PDE1A: variants seen among roughly 807,000 people sequenced by gnomAD.
PDE1A encodes the protein dual specificity calcium/calmodulin-dependent 3',5'-cyclic nucleotide phosphodiesterase 1A.
In PDE1A, 35 loss-of-function variants were observed where a neutral mutation model predicts 61.7. The observed-to-expected ratio is 0.57, with a 90% CI of 0.43 to 0.75. The LOEUF is 0.75. PDE1A is among the 30% of genes least tolerant of loss of function. PDE1A has a pLI of 0.00. For missense variants in PDE1A, 597 were observed against 630.6 expected, an observed-to-expected ratio of 0.95 and a Z score of 0.57; for synonymous variants, 232 against 213.2, an observed-to-expected ratio of 1.09 and a Z score of -0.77.
chr2:182,687,803 A>C, the PDE1A span, among the ~76,000 whole-genome samples: 1 of 152,206 alleles, frequency 6.6e-6, no homozygotes, highest in African/African-American at 2.4e-5. Flanking sequence ...CGAATGGCTA[A>C]CTAGAACAAC....
intron 2 of PDE1A, among the ~76,000 whole-genome samples, chr2:182,486,786 T>C (rs1688051264): frequency 6.6e-6 from 1 of 152,094 alleles, no homozygotes; most frequent in South Asian, 2.1e-4. Context: ...TTAACTCAAA[T>C]AGGATTATAG....
At chr2:182,160,556 C>T (rs574772418) in intron 13 of PDE1A, among the ~76,000 whole-genome samples, 1 of 152,258 alleles carries the variant, frequency 6.6e-6, no homozygotes. Flanking sequence ...GACCCTTAAA[C>T]TCTGAGATGC....
At chr2:182,439,023 T>C (rs1267056413) in intron 2 of PDE1A, among the ~76,000 whole-genome samples, 1 of 151,942 alleles carries the variant, frequency 6.6e-6, no homozygotes, top group Non-Finnish European at 1.5e-5. Context: ...CAAGAGATAT[T>C]AACTGGGATA....
chr2:182,478,156 T>A (rs1386571666), intron 2 of PDE1A, among the ~76,000 whole-genome samples: 1 of 151,922 alleles, frequency 6.6e-6, no homozygotes, highest in Non-Finnish European at 1.5e-5. Flanking sequence ...TGAGTGTTTC[T>A]TTTAAGTAGA....
chr2:182,160,135 G>A (rs753711992), intron 13 of PDE1A, among the ~76,000 whole-genome samples: 8 of 152,168 alleles, frequency 5.3e-5, no homozygotes, highest in Middle Eastern at 3.2e-3. Flanking sequence ...TAACTAGTAA[G>A]TAAGGAACCA....
At chr2:182,421,728 G>T (rs976461243) in intron 1 of PDE1A, among the ~76,000 whole-genome samples, 3 of 152,144 alleles carry the variant, frequency 2.0e-5, no homozygotes, top group Non-Finnish European at 4.4e-5. Context: ...ACAAGGCACT[G>T]TAATGTCTGA....
At chr2:182,563,048 T>C in the PDE1A span, among the ~76,000 whole-genome samples, 1 of 152,242 alleles carries the variant, frequency 6.6e-6, no homozygotes, top group African/African-American at 2.4e-5. Context: ...TTTGTGTCTC[T>C]ATTTCCTTCA....
chr2:182,524,797 T>TA (rs1452182584), upstream of PDE1A, among the ~76,000 whole-genome samples: 3 of 151,958 alleles, frequency 2.0e-5, no homozygotes, highest in East Asian at 1.9e-4. Flanking sequence ...AAAAATACAG[T>TA]AAAAAATGAT....
intron 1 of PDE1A, among the ~76,000 whole-genome samples, chr2:182,383,053 CAA>C (rs964910017): frequency 1.1e-4 from 17 of 152,136 alleles, no homozygotes; most frequent in Non-Finnish European, 2.5e-4. Context: ...ATTCTGGTCC[CAA>C]GTCTTCTCCT....
chr2:182,306,700 A>G (rs1007017668), intron 1 of PDE1A, among the ~76,000 whole-genome samples: 2 of 152,198 alleles, frequency 1.3e-5, no homozygotes, highest in Admixed American at 1.3e-4. Context: ...AAAGTGCAAG[A>G]ATACAATGGG....
At chr2:182,147,499 C>T (rs1463844241) in intron 13 of PDE1A, among the ~76,000 whole-genome samples, 4 of 152,022 alleles carry the variant, frequency 2.6e-5, no homozygotes, top group African/African-American at 9.7e-5. Flanking sequence ...TTAACTAAAC[C>T]TTCTAATGAT....
At chr2:182,408,926 C>T (rs527639232) in intron 1 of PDE1A, among the ~76,000 whole-genome samples, 1 of 152,166 alleles carries the variant, frequency 6.6e-6, no homozygotes, top group Non-Finnish European at 1.5e-5. Flanking sequence ...AACTGATTAT[C>T]GGTATGGTGA....
intron 1 of PDE1A, among the ~76,000 whole-genome samples, chr2:182,374,919 C>T (rs1393107546): frequency 2.6e-5 from 4 of 152,138 alleles, no homozygotes; most frequent in Non-Finnish European, 5.9e-5. Flanking sequence ...GAGAAAGTTT[C>T]GTCTTACATG....
the PDE1A span, among the ~76,000 whole-genome samples, chr2:182,635,756 G>GT: frequency 6.6e-6 from 1 of 151,272 alleles, no homozygotes; most frequent in Non-Finnish European, 1.5e-5. Context: ...TGGGAGGTGA[G>GT]TTTTTTTGGT....
the PDE1A span, among the ~76,000 whole-genome samples, chr2:182,562,913 AT>A: frequency 1.3e-5 from 2 of 152,022 alleles, no homozygotes; most frequent in African/African-American, 4.8e-5. Flanking sequence ...CCCCTTTATC[AT>A]TTTTTATTGT....
the PDE1A span, among the ~76,000 whole-genome samples, chr2:182,528,305 C>T: frequency 6.6e-6 from 1 of 152,160 alleles, no homozygotes; most frequent in Non-Finnish European, 1.5e-5. Flanking sequence ...GTGACTCTTG[C>T]TATGTTTTAG....
At chr2:182,666,096 T>C in the PDE1A span, among the ~76,000 whole-genome samples, 1 of 152,124 alleles carries the variant, frequency 6.6e-6, no homozygotes, top group Admixed American at 6.5e-5. Context: ...GATAAATAGC[T>C]AATGCATGCA....
At chr2:182,529,265 A>C in the PDE1A span, among the ~76,000 whole-genome samples, 12 of 152,340 alleles carry the variant, frequency 7.9e-5, no homozygotes, top group African/African-American at 2.9e-4. Flanking sequence ...TATGACCTGT[A>C]TGTGAGACAT....
At chr2:182,685,669 G>C in the PDE1A span, among the ~76,000 whole-genome samples, 5 of 152,180 alleles carry the variant, frequency 3.3e-5, no homozygotes, top group Non-Finnish European at 7.3e-5. Flanking sequence ...TCTGCACTCT[G>C]TCTGAGTGTG....
Sources: allele counts gnomAD v4.1 joint callset (sites outside exome capture counted in the v4.1 genomes callset), GRCh38; gene constraint gnomAD v4.1.1; transcripts MANE v1.5; gene names NCBI Gene and HGNC (gene_info 2026-07-23, HGNC 2026-07-21).